The following ARHGAP26 variants were observed in gnomAD, a reference collection of about 807,000 sequenced individuals.
ARHGAP26 encodes Rho GTPase activating protein 26.
Under a neutral mutation model 104.8 loss-of-function variants are expected in ARHGAP26, and 38 were observed. The ratio of observed to expected loss-of-function variants is 0.36; its 90% CI spans 0.28 to 0.48. ARHGAP26 has a LOEUF of 0.48. ARHGAP26 is among the 20% of genes least tolerant of loss of function. The pLI is 0.99. For missense variants in ARHGAP26, 704 were observed against 947.9 expected, an observed-to-expected ratio of 0.74 and a Z score of 3.38; for synonymous variants, 341 against 340.0, an observed-to-expected ratio of 1.00 and a Z score of -0.03.
At chr5:143,096,864 A>G (rs1237399367) in intron 17 of ARHGAP26, among the ~76,000 whole-genome samples, 2 of 152,216 alleles carry the variant, frequency 1.3e-5, no homozygotes, top group Non-Finnish European at 2.9e-5. Flanking sequence ...CCAACAGAGA[A>G]CCACTGTCCT....
At chr5:142,862,608 G>A (rs1597965864) in intron 1 of ARHGAP26, among the ~76,000 whole-genome samples, 1 of 152,216 alleles carries the variant, frequency 6.6e-6, no homozygotes, top group Non-Finnish European at 1.5e-5. Flanking sequence ...ATTTCTAACT[G>A]TTTAACCAAG....
intron 11 of ARHGAP26, among the ~76,000 whole-genome samples, chr5:143,000,635 C>G (rs1431723087): frequency 6.6e-6 from 1 of 152,166 alleles, no homozygotes; most frequent in Non-Finnish European, 1.5e-5. Context: ...TTCAAATGCT[C>G]ATCAATGATA....
At chr5:142,893,075 C>T (rs1758918246) in intron 5 of ARHGAP26, among the ~76,000 whole-genome samples, 1 of 150,424 alleles carries the variant, frequency 6.6e-6, no homozygotes, top group Admixed American at 6.7e-5. Context: ...ACCTCCGCCT[C>T]CTGGGTTCAA....
In ARHGAP26 at chr5:143,001,807, C is replaced by T. The variant is rs116178229; in HGVS notation, c.1108-12273C>T. Among the ~76,000 whole-genome samples, 648 of 152,334 alleles carry T rather than the reference C, an allele frequency of 4.3e-3. 7 individuals are homozygous for T. Among genetic ancestry groups the T allele is most frequent in the African/African-American group, 0.015 (632 of 41,576 alleles). On this transcript the variant is annotated intron_variant, in intron 11 of 22. Coordinates refer to ENST00000645722, the MANE Select transcript of ARHGAP26 (RefSeq NM_001135608.3). ...ATCACAGTGCTGGGGATACCCTTTA[C>T]TGCCAGCTCAAAGCAACAGAATAAA...
chr5:142,981,141 G>A (rs1358766789), intron 11 of ARHGAP26, among the ~76,000 whole-genome samples: 1 of 152,204 alleles, frequency 6.6e-6, no homozygotes, highest in East Asian at 1.9e-4. Context: ...CAGATAGAGA[G>A]GCTGCATGTG....
chr5:143,132,631 G>A (rs927038580), intron 18 of ARHGAP26, among the ~76,000 whole-genome samples: 1 of 152,048 alleles, frequency 6.6e-6, no homozygotes, highest in African/African-American at 2.4e-5. Flanking sequence ...AAAAGTGTGT[G>A]TTAACATTAA....
intron 10 of ARHGAP26, among the ~76,000 whole-genome samples, chr5:142,917,601 A>G (rs1762660934): frequency 6.6e-6 from 1 of 152,254 alleles, no homozygotes; most frequent in Non-Finnish European, 1.5e-5. Context: ...CTAAATTAAA[A>G]GAAGCAATGC....
chr5:143,013,945 C>T lies in ARHGAP26; in HGVS notation c.1108-135C>T, dbSNP rs1474772333. ...GAAGTAGATAATTATTGAATGGGTTCATGTTTGGGAGCCAGAAATTACCTT... is the reference window on the plus strand; with the variant it reads ...GAAGTAGATAATTATTGAATGGGTTTATGTTTGGGAGCCAGAAATTACCTT... On this transcript the variant is annotated intron_variant, in intron 11 of 22. Coordinates refer to ENST00000645722, the MANE Select transcript of ARHGAP26 (RefSeq NM_001135608.3). 3.9e-6 allele frequency: 3 copies of T among 771,484 alleles called. No individual in the cohort carries two copies. In the African/African-American group the frequency reaches 5.2e-5, roughly 13 times the overall value. The allele number at this position is 771,484 out of a possible 1,614,324, so 47.8% of individuals were successfully genotyped here. A position where few individuals can be genotyped will look rare whatever the true frequency, so the allele number is the denominator to read the frequency against.
intron 11 of ARHGAP26, among the ~76,000 whole-genome samples, chr5:143,009,735 T>C (rs186695109): frequency 1.1e-4 from 17 of 152,368 alleles, no homozygotes; most frequent in South Asian, 4.1e-4. Flanking sequence ...AATCTTCATA[T>C]ACAATGGTCA....
At chr5:142,993,165 T>G (rs1775882478) in intron 11 of ARHGAP26, among the ~76,000 whole-genome samples, 1 of 144,664 alleles carries the variant, frequency 6.9e-6, no homozygotes, top group East Asian at 2.0e-4. Flanking sequence ...GTGGTTTTTT[T>G]TTTTTTTTTT....
chr5:142,771,856 C>G (rs951078741), intron 1 of ARHGAP26, among the ~76,000 whole-genome samples: 3 of 152,172 alleles, frequency 2.0e-5, no homozygotes, highest in Non-Finnish European at 4.4e-5. Context: ...GTTTCTTTTT[C>G]TGGCCAAATA....
At chr5:143,105,398 T>TAAACAAAC (rs1156231190) in intron 17 of ARHGAP26, among the ~76,000 whole-genome samples, 11 of 150,106 alleles carry the variant, frequency 7.3e-5, no homozygotes, top group Non-Finnish European at 1.6e-4. Context: ...AATAAATAAA[T>TAAACAAAC]AAATAAATAA....
At chr5:142,806,488 T>A (rs1198409136) in intron 1 of ARHGAP26, among the ~76,000 whole-genome samples, 1 of 151,996 alleles carries the variant, frequency 6.6e-6, no homozygotes, top group African/African-American at 2.4e-5. Flanking sequence ...TGTGTGTGTG[T>A]GTGTGTGTGT....
chr5:142,995,957 C>G (rs1009393943), intron 11 of ARHGAP26, among the ~76,000 whole-genome samples: 2 of 152,024 alleles, frequency 1.3e-5, no homozygotes, highest in Non-Finnish European at 2.9e-5. Flanking sequence ...GTTGTGTTCT[C>G]ACAACTCCCA....
At chr5:143,088,329 G>A (rs1325130601) in intron 17 of ARHGAP26, among the ~76,000 whole-genome samples, 1 of 152,158 alleles carries the variant, frequency 6.6e-6, no homozygotes, top group South Asian at 2.1e-4. Context: ...GTTATAGTGG[G>A]ACATATACGG....
intron 12 of ARHGAP26, among the ~76,000 whole-genome samples, chr5:143,036,290 C>T (rs144833017): frequency 8.1e-4 from 123 of 152,272 alleles, no homozygotes; most frequent in Middle Eastern, 3.4e-3. Context: ...AGATTATCAC[C>T]GGGTAACCAA....
chr5:143,220,259 T>G (rs1810964589), intron 22 of ARHGAP26, among the ~76,000 whole-genome samples: 1 of 152,224 alleles, frequency 6.6e-6, no homozygotes, highest in Non-Finnish European at 1.5e-5. Context: ...AATTTTATTC[T>G]AAACATTTGA....
intron 1 of ARHGAP26, among the ~76,000 whole-genome samples, chr5:142,818,725 C>T (rs1042520834): frequency 4.6e-5 from 7 of 152,158 alleles, no homozygotes; most frequent in African/African-American, 1.7e-4. Flanking sequence ...GCCCGATTCA[C>T]ATGCTAACAT....
At chr5:143,200,284 C>T (rs1807497315) in intron 20 of ARHGAP26, among the ~76,000 whole-genome samples, 1 of 152,160 alleles carries the variant, frequency 6.6e-6, no homozygotes, top group African/African-American at 2.4e-5. Flanking sequence ...TATATCAACA[C>T]CTTTAAAAGA....
Sources: allele counts gnomAD v4.1 joint callset (sites outside exome capture counted in the v4.1 genomes callset), GRCh38; gene constraint gnomAD v4.1.1; transcripts MANE v1.5; gene names NCBI Gene and HGNC (gene_info 2026-07-23, HGNC 2026-07-21).